KCNIP1: variants seen among roughly 807,000 people sequenced by gnomAD.
The protein encoded by KCNIP1 is potassium voltage-gated channel interacting protein 1, also known as A-type potassium channel modulatory protein KCNIP1.
KCNIP1 carries 18 observed loss-of-function variants against 33.0 expected under a neutral mutation model. The ratio of observed to expected loss-of-function variants is 0.55; its 90% CI spans 0.38 to 0.81. The LOEUF is 0.81. Ranked by LOEUF, KCNIP1 falls within the 30% of genes least tolerant of loss-of-function variation. The pLI, the probability that KCNIP1 is intolerant of heterozygous loss-of-function variation, is 0.00. For synonymous variants in KCNIP1, 93 were observed against 98.3 expected (o/e 0.95, Z 0.32); for missense variants, 238 against 271.6 (o/e 0.88, Z 0.87).
chr5:170,386,485 C>T (rs1261727130), intron 1 of KCNIP1, among the ~76,000 whole-genome samples: 1 of 152,152 alleles, frequency 6.6e-6, no homozygotes, highest in Non-Finnish European at 1.5e-5. Context: ...AGGTCCCATG[C>T]GGTGAGCGAG....
intron 1 of KCNIP1, among the ~76,000 whole-genome samples, chr5:170,708,125 TA>T (rs1479378752): frequency 6.6e-6 from 1 of 152,192 alleles, no homozygotes; most frequent in Non-Finnish European, 1.5e-5. Context: ...ATCTAAGACT[TA>T]AAGCTGAAGG....
intron 1 of KCNIP1, among the ~76,000 whole-genome samples, chr5:170,446,154 T>C (rs1756108513): frequency 6.6e-6 from 1 of 152,210 alleles, no homozygotes; most frequent in East Asian, 1.9e-4. Context: ...CGTCAGTCAT[T>C]ACCCTCACTG....
chr5:170,583,421 G>GTGA (rs113509515), intron 1 of KCNIP1, among the ~76,000 whole-genome samples: 11,319 of 152,182 alleles, frequency 0.074, 619 homozygotes, highest in African/African-American at 0.15. Flanking sequence ...GATCGTGGTG[G>GTGA]TGATGATGAT....
chr5:170,573,909 TC>T (rs1215348998), intron 1 of KCNIP1, among the ~76,000 whole-genome samples: 1 of 151,838 alleles, frequency 6.6e-6, no homozygotes, highest in African/African-American at 2.4e-5. Context: ...TGTTTGTGCT[TC>T]CAGCTGAGTT....
At chr5:170,441,488 G>T (rs1469655068) in intron 1 of KCNIP1, among the ~76,000 whole-genome samples, 1 of 152,132 alleles carries the variant, frequency 6.6e-6, no homozygotes, top group African/African-American at 2.4e-5. Context: ...TGTGCACTTT[G>T]TACCTCTGTG....
intron 1 of KCNIP1, among the ~76,000 whole-genome samples, chr5:170,438,266 C>T (rs1019454952): frequency 1.3e-5 from 2 of 152,296 alleles, no homozygotes; most frequent in East Asian, 1.9e-4. Context: ...TTCCTGTCAG[C>T]CCCTTGGGTC....
intron 1 of KCNIP1, among the ~76,000 whole-genome samples, chr5:170,354,221 TG>T (rs1221393228): frequency 6.6e-6 from 1 of 152,182 alleles, no homozygotes; most frequent in Non-Finnish European, 1.5e-5. Flanking sequence ...TGATACGTTA[TG>T]GGCGGGCAGA....
intron 1 of KCNIP1, among the ~76,000 whole-genome samples, chr5:170,693,405 T>G (rs1437823390): frequency 6.6e-6 from 1 of 152,190 alleles, no homozygotes; most frequent in Non-Finnish European, 1.5e-5. Context: ...CTGTGCATCC[T>G]CTGTGTGCCA....
chr5:170,422,017 C>T (rs1327967525), intron 1 of KCNIP1: 1 of 150,690 alleles, frequency 6.6e-6, no homozygotes, highest in Non-Finnish European at 1.5e-5. Context: ...GAAGAATCCA[C>T]TGGGACATTC....
At chr5:170,442,858 T>G (rs1247515356) in intron 1 of KCNIP1, among the ~76,000 whole-genome samples, 1 of 152,136 alleles carries the variant, frequency 6.6e-6, no homozygotes, top group African/African-American at 2.4e-5. Flanking sequence ...TGGTTATGCA[T>G]CAGGGATGTA....
chr5:170,385,256 C>T (rs897638959), intron 1 of KCNIP1: 4 of 1,599,006 alleles, frequency 2.5e-6, no homozygotes, highest in African/African-American at 2.7e-5. Context: ...GGGTTCCTTA[C>T]AGATGCCAGA....
chr5:170,539,998 TA>T (rs770821330), intron 1 of KCNIP1, among the ~76,000 whole-genome samples: 3 of 152,108 alleles, frequency 2.0e-5, no homozygotes, highest in Non-Finnish European at 4.4e-5. Flanking sequence ...TAAATAATAA[TA>T]ATAAAGGAAC....
chr5:170,653,785 A>G (rs1761150944), intron 1 of KCNIP1, among the ~76,000 whole-genome samples: 1 of 151,928 alleles, frequency 6.6e-6, no homozygotes, highest in South Asian at 2.1e-4. Flanking sequence ...CTCCAGGTGT[A>G]TAACAGAAGC....
At chr5:170,372,581 G>GA (rs1007059942) in intron 1 of KCNIP1, among the ~76,000 whole-genome samples, 1 of 151,924 alleles carries the variant, frequency 6.6e-6, no homozygotes, top group Non-Finnish European at 1.5e-5. Flanking sequence ...TATCTCACTG[G>GA]AAAAAAGACA....
At chr5:170,723,321 A>G (rs1024919185) in intron 5 of KCNIP1, among the ~76,000 whole-genome samples, 6 of 152,218 alleles carry the variant, frequency 3.9e-5, no homozygotes, top group Non-Finnish European at 8.8e-5. Context: ...TACAGAAATT[A>G]TCACAAATAA....
chr5:170,688,510 G>A (rs184492696), intron 1 of KCNIP1, among the ~76,000 whole-genome samples: 27 of 152,230 alleles, frequency 1.8e-4, no homozygotes, highest in African/African-American at 6.0e-4. Context: ...GGATGCCAGC[G>A]CAGCCATGCT....
chr5:170,402,590 G>A (rs1008057955), intron 1 of KCNIP1, among the ~76,000 whole-genome samples: 1 of 152,174 alleles, frequency 6.6e-6, no homozygotes, highest in Non-Finnish European at 1.5e-5. Context: ...GAGAGAGCAT[G>A]TGAATCATTG....
At chr5:170,514,688 C>G (rs1751340259) in intron 1 of KCNIP1, among the ~76,000 whole-genome samples, 1 of 152,150 alleles carries the variant, frequency 6.6e-6, no homozygotes, top group Admixed American at 6.5e-5. Flanking sequence ...TTTTTGATGC[C>G]TCTACTTTGC....
chr5:170,718,919 T>G (rs1214780758), intron 2 of KCNIP1, 37 bp downstream of exon 2: 5 of 1,589,186 alleles, frequency 3.1e-6, no homozygotes, highest in East Asian at 2.3e-5. Context: ...CTGGGGGGGG[T>G]TCCCACGTGA....
Sources: allele counts gnomAD v4.1 joint callset (sites outside exome capture counted in the v4.1 genomes callset), GRCh38; gene constraint gnomAD v4.1.1; transcripts MANE v1.5; gene names NCBI Gene and HGNC (gene_info 2026-07-23, HGNC 2026-07-21).